Variants in KIAA1671 observed in about 807,000 individuals in gnomAD.
The protein encoded by KIAA1671 is KIAA1671, also known as uncharacterized protein KIAA1671.
In KIAA1671, 52 loss-of-function variants were observed where a neutral mutation model predicts 131.2. The observed-to-expected ratio is 0.40, with a 90% CI of 0.32 to 0.50. The LOEUF (loss-of-function observed/expected upper bound fraction) is 0.50, where lower values mean the gene tolerates loss of function less well. KIAA1671 is among the 20% of genes least tolerant of loss of function. The probability of loss-of-function intolerance (pLI) is 0.73; values close to 1 mark genes in which losing one functional copy is unlikely to be tolerated. For missense variants in KIAA1671, 2,360 were observed against 2,364.2 expected, an observed-to-expected ratio of 1.00 and a Z score of 0.04; for synonymous variants, 1,003 against 961.6, an observed-to-expected ratio of 1.04 and a Z score of -0.80.
intron 1 of KIAA1671, among the ~76,000 whole-genome samples, chr22:24,983,190 G>A (rs1310302855): frequency 1.3e-5 from 2 of 152,168 alleles, no homozygotes; most frequent in Non-Finnish European, 2.9e-5. Context: ...GTGCTTTTCT[G>A]AGTGCACCTT....
chr22:24,989,123 C>T (rs73395645), intron 1 of KIAA1671, among the ~76,000 whole-genome samples: 5,458 of 152,170 alleles, frequency 0.036, 311 homozygotes, highest in African/African-American at 0.12. Flanking sequence ...GGTTTCATGT[C>T]GAGGGTGAGT....
At chr22:25,051,307 A>G (rs1927520798) in intron 6 of KIAA1671, 1 of 152,136 alleles carries the variant, frequency 6.6e-6, no homozygotes, top group African/African-American at 2.4e-5. Flanking sequence ...ACCTTTTAGT[A>G]TTGGGCTCTG....
chr22:25,156,295 G>C (rs1933240139), intron 6 of KIAA1671, among the ~76,000 whole-genome samples: 1 of 151,860 alleles, frequency 6.6e-6, no homozygotes, highest in Admixed American at 6.6e-5. Flanking sequence ...AAAGTGCTGG[G>C]ATTACAGGCA....
At chr22:25,162,280 T>TG (rs1341083526) in intron 6 of KIAA1671, among the ~76,000 whole-genome samples, 3 of 152,220 alleles carry the variant, frequency 2.0e-5, no homozygotes, top group African/African-American at 4.8e-5. Flanking sequence ...ACAGGGGCAC[T>TG]GGGACAGAGC....
chr22:25,097,963 C>T (rs1432377720), intron 6 of KIAA1671, among the ~76,000 whole-genome samples: 2 of 152,144 alleles, frequency 1.3e-5, no homozygotes, highest in African/African-American at 2.4e-5. Context: ...CAGTTCCAGC[C>T]ATCCTCAGGA....
chr22:25,054,232 C>T (rs577318976), intron 6 of KIAA1671: 14 of 148,716 alleles, frequency 9.4e-5, no homozygotes, highest in African/African-American at 2.5e-4. Context: ...GCGTGGGTAA[C>T]AGAGTGAGAC....
At chr22:25,069,643 C>T (rs1928700649) in intron 6 of KIAA1671, among the ~76,000 whole-genome samples, 1 of 152,180 alleles carries the variant, frequency 6.6e-6, no homozygotes, top group Admixed American at 6.5e-5. Flanking sequence ...CGGTTTTCCT[C>T]TCTGTAAAAT....
chr22:25,041,553 G>A, intron 5 of KIAA1671, 28 bp downstream of exon 5: 1 of 1,491,028 alleles, frequency 6.7e-7, no homozygotes, highest in Non-Finnish European at 8.9e-7. Context: ...TTTTAATTTT[G>A]TCAAACATGG....
At chr22:25,111,352 G>A (rs1230462583) in intron 6 of KIAA1671, among the ~76,000 whole-genome samples, 1 of 152,252 alleles carries the variant, frequency 6.6e-6, no homozygotes, top group African/African-American at 2.4e-5. Flanking sequence ...CCGAGGGACC[G>A]TGAGCGAGTT....
chr22:25,186,939 G>A (rs919824745), intron 11 of KIAA1671, among the ~76,000 whole-genome samples: 1 of 152,210 alleles, frequency 6.6e-6, no homozygotes, highest in Non-Finnish European at 1.5e-5. Flanking sequence ...TAGGGCCTCA[G>A]AGGCACCTCT....
intron 1 of KIAA1671, among the ~76,000 whole-genome samples, chr22:25,016,570 G>T (rs997987459): frequency 5.3e-5 from 8 of 152,186 alleles, no homozygotes; most frequent in Non-Finnish European, 1.2e-4. Context: ...GTCACTGCAG[G>T]TTCGTAGAGG....
intron 1 of KIAA1671, among the ~76,000 whole-genome samples, chr22:24,960,654 CTTTTTTTTTTTT>C (rs34901740): frequency 8.4e-4 from 60 of 71,534 alleles, no homozygotes; most frequent in Non-Finnish European, 1.2e-3. Context: ...TTTTCAGGTT[CTTTTTTTTTTTT>C]TTTTTTTTTT....
chr22:25,079,779 T>C (rs962217093), intron 6 of KIAA1671, among the ~76,000 whole-genome samples: 1 of 152,118 alleles, frequency 6.6e-6, no homozygotes, highest in Non-Finnish European at 1.5e-5. Flanking sequence ...CTGTGCCTCG[T>C]GCTTGGGGAC....
In KIAA1671 at chr22:25,040,491, A is replaced by G. The variant is rs1926852897; in HGVS notation, c.3361A>G (p.Asn1121Asp). ...SLGAWSLDPFNGRIIDVDALW... is the reference protein window; with the variant it reads ...SLGAWSLDPFDGRIIDVDALW... ...TGGGGCCTGGAGTCTGGACCCTTTCAATGGAAGAATCATTGATGTGGATGC... is the reference window on the plus strand; with the variant it reads ...TGGGGCCTGGAGTCTGGACCCTTTCGATGGAAGAATCATTGATGTGGATGC... The change falls in exon 5 of 13, where the codon AAT (asparagine) becomes GAT (aspartate). Residue 1121 changes from asparagine to aspartate, a missense_variant. Coordinates refer to ENST00000358431, the MANE Select transcript of KIAA1671 (RefSeq NM_001145206.2). The G allele has an allele frequency of 1.3e-6, 2 of 1,551,936 alleles. No individual in the cohort carries two copies. The highest frequency in any genetic ancestry group is 1.7e-6 in the Non-Finnish European group (2 of 1,147,042).
intron 4 of KIAA1671, 37 bp downstream of exon 4, chr22:25,032,733 A>G: frequency 7.2e-7 from 1 of 1,379,484 alleles, no homozygotes; most frequent in South Asian, 1.3e-5. Flanking sequence ...CTCATTAACC[A>G]GCGGGCAGTT....
chr22:24,957,138 A>G (rs1921755441), intron 1 of KIAA1671, among the ~76,000 whole-genome samples: 1 of 152,176 alleles, frequency 6.6e-6, no homozygotes, highest in African/African-American at 2.4e-5. Flanking sequence ...ATAGCCTGTC[A>G]TCAGGATAAG....
intron 6 of KIAA1671, chr22:25,064,915 G>A (rs1408950737): frequency 6.6e-6 from 1 of 152,222 alleles, no homozygotes; most frequent in Non-Finnish European, 1.5e-5. Context: ...CTCTGCCCAT[G>A]GGGAGCTCCC....
chr22:25,038,081 C>T (rs1006833746), intron 4 of KIAA1671, among the ~76,000 whole-genome samples: 26 of 152,338 alleles, frequency 1.7e-4, no homozygotes, highest in African/African-American at 6.0e-4. Context: ...AGGTGATCCA[C>T]TTGCTTTGGC....
At chr22:24,974,890 C>G (rs1270857413) in intron 1 of KIAA1671, among the ~76,000 whole-genome samples, 1 of 152,022 alleles carries the variant, frequency 6.6e-6, no homozygotes. Context: ...GGTGGAGTTT[C>G]ACCACACTGG....
Sources: gnomAD v4.1 joint callset for allele counts (sites outside exome capture counted in the v4.1 genomes callset) on GRCh38, gnomAD v4.1.1 for gene constraint, MANE v1.5 for transcripts, NCBI Gene and HGNC (gene_info 2026-07-23, HGNC 2026-07-21) for gene names.